Variants in GRIP1 observed in about 807,000 individuals in gnomAD.
GRIP1 encodes glutamate receptor interacting protein 1.
GRIP1 carries 45 observed loss-of-function variants against 129.9 expected under a neutral mutation model. The ratio of observed to expected loss-of-function variants is 0.35; its 90% CI spans 0.27 to 0.44. The LOEUF (loss-of-function observed/expected upper bound fraction) is 0.44. Among genes scored for constraint, GRIP1 ranks in the 20% least tolerant of loss-of-function variants. The probability of loss-of-function intolerance (pLI) is 1.00; values close to 1 mark genes in which losing one functional copy is unlikely to be tolerated. For synonymous variants in GRIP1, 530 were observed against 520.8 expected, an observed-to-expected ratio of 1.02 and a Z score of -0.24; for missense variants, 1,196 against 1,396.8, an observed-to-expected ratio of 0.86 and a Z score of 2.29.
chr12:66,527,637 T>C (rs200459795), intron 5 of GRIP1, among the ~76,000 whole-genome samples: 1 of 152,026 alleles, frequency 6.6e-6, no homozygotes, highest in East Asian at 1.9e-4. Flanking sequence ...AACAAACCTG[T>C]ACATTGTGCA....
chr12:66,355,029 T>C (rs1233991768), intron 23 of GRIP1, among the ~76,000 whole-genome samples: 2 of 152,198 alleles, frequency 1.3e-5, no homozygotes, highest in Non-Finnish European at 2.9e-5. Context: ...AAGTGCCTAA[T>C]GGTTCTATTC....
Position 66,445,469 on chromosome 12 carries a change from A to G in GRIP1, c.1394T>C (p.Val465Ala). ...AACCTCTGTGGTTTCTGTGTGAACA[A>G]CCTGCCCAGCCAATCCTACTGTGCT... Reference protein sequence around the residue: ...ASSTVGLAGQVVHTETTEVVL... With the variant: ...ASSTVGLAGQAVHTETTEVVL... Residue 465 changes from valine (V) to alanine (A), a missense_variant, in exon 12 of 25, where the codon GTT (valine) becomes GCT (alanine). This residue lies in a region of GRIP1 where 508 missense variants were observed against 587.0 expected (regional missense o/e 0.87). Transcript: ENST00000359742. 1.2e-6 allele frequency: 2 copies of G among 1,613,956 alleles called. No homozygotes were observed. The highest frequency in any genetic ancestry group is 1.1e-5 in the South Asian group (1 of 91,056).
chr12:66,593,763 T>C (rs571979420), intron 2 of GRIP1, among the ~76,000 whole-genome samples: 1 of 152,168 alleles, frequency 6.6e-6, no homozygotes, highest in Non-Finnish European at 1.5e-5. Context: ...GCAAAAGCCA[T>C]AGCTCTGTTA....
rs536255032 is a variant in GRIP1, at chr12:66,928,932, C to G, written c.58+140118G>C. Among the ~76,000 whole-genome samples, 26 of 152,256 alleles carry G rather than the reference C, an allele frequency of 1.7e-4. 1 individual carries two copies. The South Asian group carries it at 5.0e-3, about 29-fold the overall frequency. ...CCCAGGGAAAGATGGTATGTTTACCCAAGTGCAAGTGTACATCTCCAGACC... is the reference window on the plus strand; with the variant it reads ...CCCAGGGAAAGATGGTATGTTTACCGAAGTGCAAGTGTACATCTCCAGACC... On this transcript the variant is annotated intron_variant, in intron 1 of 1. Coordinates refer to the GRIP1 transcript ENST00000643019.
chr12:66,787,473 C>T (rs956725793), intron 1 of GRIP1, among the ~76,000 whole-genome samples: 17 of 152,182 alleles, frequency 1.1e-4, no homozygotes, highest in Middle Eastern at 3.4e-3. Context: ...CCACTGTGCC[C>T]CCTCCCCTGC....
At position 66,793,944 on chromosome 12, in the gene GRIP1, C is replaced by T. The variant is rs910305912; in HGVS notation, c.-420+10109G>A. On this transcript the variant is annotated intron_variant, in intron 1 of 4. Coordinates refer to the GRIP1 transcript ENST00000538373. ...TAAATGAGCTAATGCACATAAATTACGAAGCATAGGGCCTAGCATGCACTG... is the reference window on the plus strand; with the variant it reads ...TAAATGAGCTAATGCACATAAATTATGAAGCATAGGGCCTAGCATGCACTG... Among the ~76,000 whole-genome samples, 5 of 152,258 alleles carry T rather than the reference C, an allele frequency of 3.3e-5. No individual in the cohort carries two copies. The South Asian group carries it at 6.2e-4, about 19-fold the overall frequency.
intron 2 of GRIP1, among the ~76,000 whole-genome samples, chr12:66,591,329 T>C (rs1330070359): frequency 2.0e-5 from 3 of 152,146 alleles, no homozygotes; most frequent in Admixed American, 6.5e-5. Flanking sequence ...GTAAACATAA[T>C]TTTAGGTTCT....
intron 7 of GRIP1, among the ~76,000 whole-genome samples, chr12:66,474,743 A>G (rs1031814861): frequency 6.6e-6 from 1 of 152,202 alleles, no homozygotes; most frequent in South Asian, 2.1e-4. Flanking sequence ...TCATAAGTGA[A>G]GGAGAAATAA....
chr12:66,404,007 C>A (rs1186680342), intron 16 of GRIP1, among the ~76,000 whole-genome samples: 1 of 152,196 alleles, frequency 6.6e-6, no homozygotes, highest in East Asian at 1.9e-4. Flanking sequence ...AAACAGGTTT[C>A]TCCACAGGGC....
chr12:66,682,812 T>C (rs2034635675), upstream of GRIP1, among the ~76,000 whole-genome samples: 1 of 152,178 alleles, frequency 6.6e-6, no homozygotes, highest in Admixed American at 6.6e-5. Flanking sequence ...TCAACTATTT[T>C]ATATCATTAG....
chr12:66,586,006 C>T (rs2063617890), intron 2 of GRIP1, among the ~76,000 whole-genome samples: 1 of 152,172 alleles, frequency 6.6e-6, no homozygotes, highest in South Asian at 2.1e-4. Context: ...TCCGCATCAG[C>T]ACACGAACAT....
rs866862697 is a variant in GRIP1, at chr12:66,731,053, G to A, written c.-420+73000C>T. On this transcript the variant is annotated intron_variant, in intron 1 of 4. Coordinates refer to the GRIP1 transcript ENST00000538373. ...CTATAAGCCTACTCTTCTGGCTTTG[G>A]AGTCATACAGCCCATGAAGTTTTCT... Among the ~76,000 whole-genome samples the A allele has an allele frequency of 5.3e-5, 8 of 150,406 alleles. No individual in the cohort carries two copies. The South Asian group carries it at 1.3e-3, about 24-fold the overall frequency.
At chr12:67,058,509 C>G (rs757089528) in intron 1 of GRIP1, among the ~76,000 whole-genome samples, 1 of 152,156 alleles carries the variant, frequency 6.6e-6, no homozygotes, top group Non-Finnish European at 1.5e-5. Context: ...ACATCAACAC[C>G]TAACAGTAAA....
intron 5 of GRIP1, among the ~76,000 whole-genome samples, chr12:66,525,852 T>C (rs1000609524): frequency 2.6e-4 from 39 of 152,014 alleles, no homozygotes; most frequent in African/African-American, 7.2e-4. Flanking sequence ...ACAAAATCAA[T>C]GTACAAAAAT....
chr12:66,684,313 A>G (rs1262316832), intron 1 of GRIP1, among the ~76,000 whole-genome samples: 2 of 152,194 alleles, frequency 1.3e-5, no homozygotes, highest in Non-Finnish European at 2.9e-5. Flanking sequence ...CTTTTCCACA[A>G]CATTTTCTGT....
chr12:66,990,028 G>T (rs7132504), intron 1 of GRIP1, among the ~76,000 whole-genome samples: 62,814 of 152,052 alleles, frequency 0.41, 13,867 homozygotes, highest in Non-Finnish European at 0.48. Context: ...AAGATTCCTA[G>T]AAGGCGGATA....
chr12:66,993,566 G>A (rs987571442), intron 1 of GRIP1, among the ~76,000 whole-genome samples: 10 of 152,000 alleles, frequency 6.6e-5, no homozygotes, highest in South Asian at 2.1e-4. Context: ...CGAGGTAGGT[G>A]GATCACCTGA....
At position 66,678,937 on chromosome 12, in the gene GRIP1, T is replaced by C. The variant is rs1454442260; in HGVS notation, c.-33A>G. 2 of 1,612,958 alleles carry C rather than the reference T, an allele frequency of 1.2e-6. No homozygotes were observed. The highest frequency in any genetic ancestry group is 2.2e-5 in the East Asian group (1 of 44,764). On this transcript the variant is annotated 5_prime_UTR_variant, in exon 1 of 25. An upstream open reading frame in the 5' UTR loses its in-frame stop. Coordinates refer to ENST00000359742, the MANE Select transcript of GRIP1 (RefSeq NM_001366722.1). ...CACTGCTTTCTGTGGCAAAGTGTAC[T>C]CAAGGCTCTCTGCTCTGGTGGCTGC...
intron 1 of GRIP1, among the ~76,000 whole-genome samples, chr12:66,736,456 T>C (rs1174072141): frequency 6.7e-6 from 1 of 150,276 alleles, no homozygotes; most frequent in African/African-American, 2.4e-5. Flanking sequence ...CATATTTTTG[T>C]ATAAGTATTA....
Sources: allele counts gnomAD v4.1 joint callset (sites outside exome capture counted in the v4.1 genomes callset), GRCh38; gene constraint gnomAD v4.1.1; regional missense constraint gnomAD v4.1.1; transcripts MANE v1.5; gene names NCBI Gene and HGNC (gene_info 2026-07-23, HGNC 2026-07-21).